The following KIF15 variants were observed in gnomAD, a reference collection of about 807,000 sequenced individuals.
KIF15 encodes kinesin family member 15, also known as kinesin-like protein KIF15.
A neutral mutation model predicts 190.6 loss-of-function variants in KIF15; 140 were observed. That is an observed-to-expected ratio of 0.73 (90% CI 0.64 to 0.84). KIF15 has a LOEUF of 0.84. KIF15 is among the 40% of genes least tolerant of loss of function. KIF15 has a pLI of 0.00. For missense variants in KIF15, 1,372 were observed against 1,584.4 expected (o/e 0.87, Z 2.28); for synonymous variants, 528 against 551.3 (o/e 0.96, Z 0.59).
chr3:44,856,709 T>C (rs1699192862), downstream of KIF15, among the ~76,000 whole-genome samples: 1 of 152,172 alleles, frequency 6.6e-6, no homozygotes, highest in South Asian at 2.1e-4. Flanking sequence ...TGCCTTTTGG[T>C]GGCCCTTGCA....
intron 26 of KIF15, among the ~76,000 whole-genome samples, chr3:44,834,996 A>G (rs1037450480): frequency 1.3e-5 from 2 of 149,140 alleles, no homozygotes; most frequent in African/African-American, 4.9e-5. Flanking sequence ...TATAATTAAA[A>G]TAATATATAA....
At chr3:44,857,725 G>T (rs1699202537), downstream of KIF15, among the ~76,000 whole-genome samples, 1 of 152,226 alleles carries the variant, frequency 6.6e-6, no homozygotes, top group Non-Finnish European at 1.5e-5. Context: ...GGAAGGAAAG[G>T]AGTTGTTGTT....
intron 26 of KIF15, among the ~76,000 whole-genome samples, chr3:44,837,606 ATG>A (rs1202969942): frequency 2.0e-5 from 3 of 152,142 alleles, no homozygotes; most frequent in African/African-American, 7.2e-5. Flanking sequence ...ACACATATAT[ATG>A]TGTGTGTATA....
chr3:44,839,175 C>A (rs554282894), intron 27 of KIF15, among the ~76,000 whole-genome samples: 44 of 152,002 alleles, frequency 2.9e-4, no homozygotes, highest in African/African-American at 1.1e-3. Flanking sequence ...TCAAGACCAT[C>A]CTGGCTTACA....
intron 1 of KIF15, among the ~76,000 whole-genome samples, chr3:44,773,136 T>TAAA (rs58175574): frequency 2.1e-5 from 3 of 142,722 alleles, no homozygotes; most frequent in South Asian, 2.2e-4. Flanking sequence ...TAAAACATCT[T>TAAA]AAAAAAAAAA....
intron 6 of KIF15, chr3:44,862,007 T>C (rs1699258606): frequency 7.3e-7 from 1 of 1,379,218 alleles, no homozygotes. Context: ...CCTCCGCACC[T>C]CCAGGCGGGT....
intron 31 of KIF15, 81 bp from the exon 32 acceptor site, chr3:44,848,440 G>T: frequency 4.5e-6 from 3 of 670,136 alleles, no homozygotes; most frequent in East Asian, 6.1e-5. Flanking sequence ...AGAATGGGCT[G>T]GTTCCTTTCT....
intron 11 of KIF15, among the ~76,000 whole-genome samples, chr3:44,800,988 G>A (rs1457098703): frequency 6.6e-6 from 1 of 151,256 alleles, no homozygotes; most frequent in Non-Finnish European, 1.5e-5. Context: ...TGAAATCCGT[G>A]ATCTAGTGAT....
chr3:44,844,087 C>T (rs1698734820), intron 30 of KIF15, among the ~76,000 whole-genome samples: 1 of 152,142 alleles, frequency 6.6e-6, no homozygotes, highest in African/African-American at 2.4e-5. Flanking sequence ...GTGGGATCTC[C>T]GAGATAGAAG....
chr3:44,863,940 C>T, intron 6 of KIF15: 1 of 498,478 alleles, frequency 2.0e-6, no homozygotes, highest in Non-Finnish European at 3.6e-6. Flanking sequence ...TAGCATTTTG[C>T]TTCTTCCCAA....
At chr3:44,848,127 G>C (rs1698932604) in intron 31 of KIF15, 70 bp downstream of exon 31, 1 of 919,636 alleles carries the variant, frequency 1.1e-6, no homozygotes, top group East Asian at 2.5e-5. Context: ...ATTTATGGTA[G>C]TATATTTTAG....
At chr3:44,806,176 G>A (rs570363395) in intron 16 of KIF15, among the ~76,000 whole-genome samples, 190 bp downstream of exon 16, 1 of 152,196 alleles carries the variant, frequency 6.6e-6, no homozygotes. Flanking sequence ...GTAGGGTGGG[G>A]TAGGAAAGAA....
intron 7 of KIF15, among the ~76,000 whole-genome samples, chr3:44,788,725 C>T (rs1455116330): frequency 3.3e-5 from 5 of 152,118 alleles, no homozygotes; most frequent in Admixed American, 2.0e-4. Flanking sequence ...CCACTATAGG[C>T]GTGAGACACT....
intron 19 of KIF15, among the ~76,000 whole-genome samples, chr3:44,814,025 G>A (rs944691294): frequency 2.6e-5 from 4 of 152,134 alleles, no homozygotes; most frequent in Non-Finnish European, 5.9e-5. Context: ...TTGTAGATGT[G>A]GGAATATCAT....
At chr3:44,798,512 C>T (rs1204373898) in intron 10 of KIF15, among the ~76,000 whole-genome samples, 1 of 151,928 alleles carries the variant, frequency 6.6e-6, no homozygotes, top group Non-Finnish European at 1.5e-5. Context: ...GGGATTTCAC[C>T]GTGTTAGCCA....
At chr3:44,771,539 A>G (rs983229731) in intron 1 of KIF15, among the ~76,000 whole-genome samples, 20 of 152,164 alleles carry the variant, frequency 1.3e-4, no homozygotes, top group African/African-American at 4.6e-4. Flanking sequence ...AGGAAAGACA[A>G]TTTTGAAACT....
chr3:44,840,922 C>G, intron 28 of KIF15, 152 bp from the exon 29 acceptor site: 1 of 702,638 alleles, frequency 1.4e-6, no homozygotes, highest in Non-Finnish European at 2.4e-6. Flanking sequence ...AGTCCGCCCA[C>G]CTCGGCCTCC....
rs764047406 is a variant in KIF15 at position 44,786,495 on chromosome 3, T to C, written c.560T>C (p.Leu187Ser). The C allele has an allele frequency of 2.5e-6, 4 of 1,613,868 alleles. No individual in the cohort carries two copies. In the South Asian group the frequency reaches 4.4e-5, roughly 18 times the overall value. ...LLDSASAGLY[L>S]REHIKKGVFV... Reference sequence around the variant, plus strand: ...GACTCTGCATCGGCTGGACTGTACTTAAGGGAGCATATCAAGAAGGGAGTC... The same window carrying C: ...GACTCTGCATCGGCTGGACTGTACTCAAGGGAGCATATCAAGAAGGGAGTC... The change falls in exon 7 of 35, where the codon TTA (leucine) becomes TCA (serine). Residue 187 changes from leucine to serine, a missense_variant. Coordinates refer to ENST00000326047, the MANE Select transcript of KIF15 (RefSeq NM_020242.3).
rs774226201 is a variant in KIF15 at position 44,801,984 on chromosome 3, C to T, written c.1509+10C>T. 2.8e-5 allele frequency: 44 copies of T among 1,555,798 alleles called. No homozygotes were observed. Among genetic ancestry groups the T allele is most frequent in the Admixed American group, 1.8e-4 (10 of 55,590 alleles). Reference sequence around the variant, plus strand: ...AACTCTGCGAGAACAAGTGAGTATACGGCATCTATAATATTTCTAAAAATA... The same window carrying T: ...AACTCTGCGAGAACAAGTGAGTATATGGCATCTATAATATTTCTAAAAATA... On this transcript the variant is annotated intron_variant, in intron 13 of 34. Transcript: ENST00000326047.
Sources: gnomAD v4.1 joint callset for allele counts (sites outside exome capture counted in the v4.1 genomes callset) on GRCh38, gnomAD v4.1.1 for gene constraint, MANE v1.5 for transcripts, NCBI Gene and HGNC (gene_info 2026-07-23, HGNC 2026-07-21) for gene names.